The following ANO2 variants were observed in gnomAD, a reference collection of about 807,000 sequenced individuals.
ANO2 encodes anoctamin-2.
In ANO2, 101 loss-of-function variants were observed where a neutral mutation model predicts 124.2. The observed-to-expected ratio is 0.81, with a 90% confidence interval of 0.69 to 0.96. The LOEUF is 0.96. Among genes scored for constraint, ANO2 ranks in the 40% least tolerant of loss-of-function variants. The probability of loss-of-function intolerance (pLI) is 0.00; values close to 1 mark genes in which losing one functional copy is unlikely to be tolerated. For synonymous variants in ANO2, 486 were observed against 482.5 expected, an observed-to-expected ratio of 1.01 and a Z score of -0.09; for missense variants, 1,293 against 1,274.5, an observed-to-expected ratio of 1.01 and a Z score of -0.22.
At chr12:5,605,720 T>C (rs968862233) in intron 19 of ANO2, among the ~76,000 whole-genome samples, 8 of 152,116 alleles carry the variant, frequency 5.3e-5, no homozygotes, top group African/African-American at 1.9e-4. Flanking sequence ...ATCCAAAGTC[T>C]ATTTTGCATG....
chr12:5,789,480 A>G (rs1214013306), intron 10 of ANO2, among the ~76,000 whole-genome samples: 1 of 152,232 alleles, frequency 6.6e-6, no homozygotes, highest in Non-Finnish European at 1.5e-5. Context: ...GGATGAGCCT[A>G]CATCTCTGAG....
chr12:5,736,280 C>T (rs1297982493), intron 13 of ANO2, among the ~76,000 whole-genome samples: 1 of 152,150 alleles, frequency 6.6e-6, no homozygotes, highest in Non-Finnish European at 1.5e-5. Context: ...CGGACTTAAG[C>T]CCTACTGCTT....
rs368205661 is a variant in ANO2 at position 5,635,118 on chromosome 12, C to A, written c.1816+34G>T. On this transcript the variant is annotated intron_variant, in intron 16 of 24. Coordinates refer to ENST00000682330, the MANE Select transcript of ANO2 (RefSeq NM_001364791.2). This position sits in a 1 kb window ranked among gnomAD's most constrained non-coding sequence, Gnocchi z 5.2. ...CTTGCACGCATTGACTTAAAGAGGG[C>A]CTAGGACAGCCAGAAGTCTCGGTGA... 2.6e-6 allele frequency: 4 copies of A among 1,526,236 alleles called. 1 individual carries two copies. The highest frequency in any genetic ancestry group is 2.8e-5 in the African/African-American group (2 of 71,956). The allele number at this position is 1,526,236 out of a possible 1,614,324, so 94.5% of individuals were successfully genotyped here. A position where few individuals can be genotyped will look rare whatever the true frequency, so the allele number is the denominator to read the frequency against.
rs569645709 is a variant in ANO2 at position 5,922,730 on chromosome 12, G to C, written c.97C>G (p.His33Asp). The change falls in exon 2 of 25, where the codon CAT (histidine) becomes GAT (aspartate). Residue 33 changes from histidine to aspartate, a missense_variant. Transcript: ENST00000682330. ...AGSRGGQGPK[H>D]GQQCLKMPGP... ...GGCATCTTGAGACACTGCTGTCCAT[G>C]TTTGGGGCCCTGGCCCCCTCTGGAC... is the stretch of plus-strand genomic sequence containing the variant. 2 of 1,601,168 alleles carry C rather than the reference G, an allele frequency of 1.2e-6. No homozygotes were observed. The highest frequency in any genetic ancestry group is 1.3e-5 in the African/African-American group (1 of 74,836).
intron 11 of ANO2, among the ~76,000 whole-genome samples, chr12:5,745,346 C>T (rs973175968): frequency 5.9e-5 from 9 of 152,158 alleles, no homozygotes; most frequent in Non-Finnish European, 1.3e-4. Context: ...TAAGATTTCA[C>T]GAAAGCAAAG....
intron 19 of ANO2, 53 bp from the exon 20 acceptor site, chr12:5,599,682 T>A: frequency 6.3e-7 from 1 of 1,579,632 alleles, no homozygotes. Context: ...CAGGGTTGGT[T>A]TTGCAGACAG....
chr12:5,700,051 G>A (rs901978563), intron 14 of ANO2, among the ~76,000 whole-genome samples: 8 of 152,082 alleles, frequency 5.3e-5, no homozygotes, highest in South Asian at 2.1e-4. Flanking sequence ...AATTAACAAG[G>A]ATATCCAGGA....
chr12:5,732,365 T>G (rs1319071161), intron 14 of ANO2, 155 bp downstream of exon 14: 6 of 610,554 alleles, frequency 9.8e-6, no homozygotes, highest in Non-Finnish European at 1.7e-5. Flanking sequence ...GATCTCTGGC[T>G]GCAGGACAAT....
intron 14 of ANO2, among the ~76,000 whole-genome samples, chr12:5,664,257 A>G (rs1345457137): frequency 6.6e-6 from 1 of 152,086 alleles, no homozygotes; most frequent in Admixed American, 6.6e-5. Context: ...CCTTCCACCC[A>G]TCCACCCACC....
intron 7 of ANO2, among the ~76,000 whole-genome samples, chr12:5,812,034 G>C (rs1165139341): frequency 7.0e-6 from 1 of 141,988 alleles, no homozygotes; most frequent in Non-Finnish European, 1.5e-5. Flanking sequence ...CCCCAAAAGA[G>C]AGAAAGGGAA....
chr12:5,809,505 G>A (rs1430969931), intron 7 of ANO2, among the ~76,000 whole-genome samples: 1 of 152,126 alleles, frequency 6.6e-6, no homozygotes, highest in Non-Finnish European at 1.5e-5. Flanking sequence ...GAAAAGTCCA[G>A]CAGTTGTTTT....
chr12:5,574,098 G>A (rs1942275495), intron 23 of ANO2, among the ~76,000 whole-genome samples: 1 of 152,214 alleles, frequency 6.6e-6, no homozygotes, highest in South Asian at 2.1e-4. Flanking sequence ...AAAGCCCTAT[G>A]TTGGTCCCAC....
chr12:5,568,627 A>C lies in ANO2; in HGVS notation c.2622-2964T>G, dbSNP rs139691442. ...TGTTTCACTGAGTAACTTAGAAGAC[A>C]CTAATTAAACAAAGAGACAATTAGC... is the stretch of plus-strand genomic sequence containing the variant. On this transcript the variant is annotated intron_variant, in intron 23 of 24. Transcript: ENST00000682330. Among the ~76,000 whole-genome samples, 696 of 152,332 alleles carry C rather than the reference A, an allele frequency of 4.6e-3. 3 individuals carry two copies. Among genetic ancestry groups the C allele is most frequent in the Middle Eastern group, 0.024 (7 of 294 alleles).
chr12:5,925,657 G>C lies in ANO2; in HGVS notation c.23-2853C>G, dbSNP rs1942048149. Among the ~76,000 whole-genome samples the C allele has an allele frequency of 6.6e-6, 1 of 152,192 alleles. No individual in the cohort carries two copies. On this transcript the variant is annotated intron_variant, in intron 1 of 24. Coordinates refer to ENST00000682330, the MANE Select transcript of ANO2 (RefSeq NM_001364791.2). The surrounding 1 kb of genome is among the most constrained non-coding windows in gnomAD (Gnocchi z 4.6). ...TGAATGAGGTCAATTAGAAGGAAAGGCCATCGTACACAGCCCGTGGAACAT... is the reference window on the plus strand; with the variant it reads ...TGAATGAGGTCAATTAGAAGGAAAGCCCATCGTACACAGCCCGTGGAACAT...
chr12:5,933,116 G>T (rs7398896), intron 1 of ANO2, among the ~76,000 whole-genome samples: 3 of 151,972 alleles, frequency 2.0e-5, no homozygotes, highest in Non-Finnish European at 4.4e-5. Flanking sequence ...GGCACAGAAA[G>T]GGCCCTATCT....
chr12:5,813,757 T>C (rs10774374), intron 7 of ANO2, among the ~76,000 whole-genome samples: 137,003 of 152,178 alleles, frequency 0.9, 62,192 homozygotes, highest in East Asian at 1. Context: ...GAAAGCCAGT[T>C]CCCTCCCTGG....
intron 1 of ANO2, among the ~76,000 whole-genome samples, chr12:5,931,521 G>A (rs555732288): frequency 2.2e-3 from 333 of 149,416 alleles, no homozygotes; most frequent in African/African-American, 8.0e-3. Flanking sequence ...AAAGAAGACA[G>A]ACTAGTAAGG....
intron 16 of ANO2, among the ~76,000 whole-genome samples, chr12:5,628,691 C>CGT (rs1565493625): frequency 2.6e-5 from 4 of 151,792 alleles, no homozygotes; most frequent in Non-Finnish European, 2.9e-5. Flanking sequence ...TGTGTGTGCG[C>CGT]GCGCGCACGC....
intron 20 of ANO2, among the ~76,000 whole-genome samples, chr12:5,597,220 A>G (rs1943706328): frequency 6.6e-6 from 1 of 152,104 alleles, no homozygotes; most frequent in African/African-American, 2.4e-5. Flanking sequence ...AGTACCCATT[A>G]GTTCTTTTTC....
Sources: allele counts gnomAD v4.1 joint callset (sites outside exome capture counted in the v4.1 genomes callset), GRCh38; gene constraint gnomAD v4.1.1; non-coding constraint Gnocchi (gnomAD v3.1); transcripts MANE v1.5; gene names NCBI Gene and HGNC (gene_info 2026-07-23, HGNC 2026-07-21).